The following GAD2 variants were observed in gnomAD, a reference collection of about 807,000 sequenced individuals.
GAD2 encodes the protein glutamate decarboxylase 2, also known as 65 kDa glutamic acid decarboxylase.
A neutral mutation model predicts 80.1 loss-of-function variants in GAD2; 22 were observed. That is an observed-to-expected ratio of 0.27 (90% CI 0.20 to 0.39). The LOEUF is 0.39. GAD2 is among the 10% of genes least tolerant of loss of function. The pLI, the probability that GAD2 is intolerant of heterozygous loss-of-function variation, is 1.00. For missense variants in GAD2, 624 were observed against 738.4 expected (o/e 0.85, Z 1.80); for synonymous variants, 274 against 256.9 (o/e 1.07, Z -0.64).
intron 13 of GAD2, among the ~76,000 whole-genome samples, chr10:26,289,145 A>G (rs1834184781): frequency 6.6e-6 from 1 of 152,188 alleles, no homozygotes; most frequent in Non-Finnish European, 1.5e-5. Flanking sequence ...AATCTAGATC[A>G]AAGGTGAGGA....
rs8190730 is a variant in GAD2, at chr10:26,273,667, G to A, written c.1124G>A (p.Arg375Gln). ...TGGGGTGGGGGATTACTGATGTCCCGAAAACACAAGTGGAAACTGAGTGGC... is the reference window on the plus strand; with the variant it reads ...TGGGGTGGGGGATTACTGATGTCCCAAAAACACAAGTGGAAACTGAGTGGC... The part of the protein sequence containing the change: ...AAWGGGLLMS[R>Q]KHKWKLSGVE... The change falls in exon 11 of 16, where the codon CGA becomes CAA. Residue 375 changes from arginine to glutamine, a missense_variant. Coordinates refer to ENST00000376261, the MANE Select transcript of GAD2 (RefSeq NM_001134366.2). 6.2e-5 allele frequency: 100 copies of A among 1,613,538 alleles called. No individual in the cohort carries two copies. In the East Asian group the frequency reaches 9.6e-4, roughly 15 times the overall value.
In GAD2 at chr10:26,217,998, A is replaced by C. The variant is rs749623422; in HGVS notation, c.286+7A>C. 2 of 1,595,412 alleles carry C rather than the reference A, an allele frequency of 1.3e-6. No individual in the cohort carries two copies. The highest frequency in any genetic ancestry group is 2.7e-5 in the African/African-American group (2 of 73,842). On this transcript the variant is annotated splice_region_variant and intron_variant, in intron 3 of 15. Transcript: ENST00000376261. The surrounding 1 kb of genome is among the most constrained non-coding windows in gnomAD (Gnocchi z 4.9). ...GCGTTTCTCCATGCAACAGGTAAAG[A>C]CTCAGCGGGGAGCCCCGGGGCGCCC...
rs1170114023 is a variant in GAD2, at chr10:26,217,217, G to A, written c.76+332G>A. Among the ~76,000 whole-genome samples, 2 of 151,298 alleles carry A rather than the reference G, an allele frequency of 1.3e-5. No homozygotes were observed. Among genetic ancestry groups the A allele is most frequent in the Admixed American group, 6.6e-5 (1 of 15,220 alleles). ...TCTGGACCCTGGGGTGGGACGGAGT[G>A]ACCGTGAAGATAGAAAAAAAAAATG... On this transcript the variant is annotated intron_variant, in intron 1 of 15. Coordinates refer to ENST00000376261, the MANE Select transcript of GAD2 (RefSeq NM_001134366.2). The surrounding 1 kb of genome is among the most constrained non-coding windows in gnomAD (Gnocchi z 4.9).
rs139172660 is a variant in GAD2 at position 26,243,599 on chromosome 10, G to A, written c.841-2322G>A. Among the ~76,000 whole-genome samples, 284 of 152,320 alleles carry A rather than the reference G, an allele frequency of 1.9e-3. 1 individual carries two copies. The highest frequency in any genetic ancestry group is 2.6e-3 in the Non-Finnish European group (175 of 68,028). On this transcript the variant is annotated intron_variant, in intron 7 of 15. Coordinates refer to ENST00000376261, the MANE Select transcript of GAD2 (RefSeq NM_001134366.2). ...ACCATTGAGACACACAGTCCTACCC[G>A]GAATCAATAACCAAAGGCACAAAGA...
chr10:26,269,689 C>T (rs567273503), intron 9 of GAD2, among the ~76,000 whole-genome samples: 88 of 152,298 alleles, frequency 5.8e-4, no homozygotes, highest in Non-Finnish European at 9.3e-4. Flanking sequence ...TCATTTACAA[C>T]CTGGGATGGC....
intron 13 of GAD2, among the ~76,000 whole-genome samples, chr10:26,291,614 A>G (rs1020114692): frequency 1.3e-5 from 2 of 152,150 alleles, no homozygotes; most frequent in African/African-American, 2.4e-5. Flanking sequence ...TCTCTGCTGG[A>G]GAAGTTACTG....
chr10:26,291,522 C>T (rs1011841983), intron 13 of GAD2, among the ~76,000 whole-genome samples: 1 of 152,122 alleles, frequency 6.6e-6, no homozygotes, highest in African/African-American at 2.4e-5. Flanking sequence ...TATGTTGGGC[C>T]CCCTTAGCTG....
chr10:26,217,896 C>G lies in GAD2; in HGVS notation c.191C>G (p.Pro64Arg). Reference sequence around the variant, plus strand: ...GCGGAGAGCGGCGGGAGCCAACCCCCGCGGGCCGCCGCCCGGAAGGCCGCC... The same window carrying G: ...GCGGAGAGCGGCGGGAGCCAACCCCGGCGGGCCGCCGCCCGGAAGGCCGCC... ...KPAESGGSQP[P>R]RAAARKAACA... The change falls in exon 3 of 16, where the codon CCG (proline) becomes CGG (arginine). Residue 64 changes from proline to arginine, a missense_variant. Coordinates refer to ENST00000376261, the MANE Select transcript of GAD2 (RefSeq NM_001134366.2). This position sits in a 1 kb window ranked among gnomAD's most constrained non-coding sequence, Gnocchi z 4.9. The G allele has an allele frequency of 4.4e-6, 7 of 1,608,428 alleles. No individual in the cohort carries two copies. Among genetic ancestry groups the G allele is most frequent in the Non-Finnish European group, 5.9e-6 (7 of 1,177,702 alleles).
rs1418711112 is a variant in GAD2, at chr10:26,292,507, T to G, written c.1429T>G (p.Leu477Val). The stretch of plus-strand genomic sequence containing the variant: ...AGCGCATGTTGATAAATGTTTGGAG[T>G]TGGCAGAGTATTTATACAACATCAT... The part of the protein sequence containing the change: ...FEAHVDKCLE[L>V]AEYLYNIIKN... The change falls in exon 14 of 16, where the codon TTG becomes GTG. Residue 477 changes from leucine to valine, a missense_variant. Coordinates refer to ENST00000376261, the MANE Select transcript of GAD2 (RefSeq NM_001134366.2). The G allele has an allele frequency of 6.2e-7, 1 of 1,614,020 alleles. No homozygotes were observed. The highest frequency in any genetic ancestry group is 2.2e-5 in the East Asian group (1 of 44,870).
chr10:26,255,542 A>C (rs1277711923), intron 8 of GAD2, among the ~76,000 whole-genome samples: 2 of 150,720 alleles, frequency 1.3e-5, no homozygotes, highest in African/African-American at 4.9e-5. Context: ...AGAGGGGCTT[A>C]CTGCCCATTT....
chr10:26,263,892 A>G (rs537097343), intron 8 of GAD2, among the ~76,000 whole-genome samples: 3 of 152,324 alleles, frequency 2.0e-5, no homozygotes, highest in African/African-American at 7.2e-5. Context: ...GACATTTTGC[A>G]TATGTCATTA....
intron 10 of GAD2, among the ~76,000 whole-genome samples, chr10:26,272,930 A>G (rs577475317): frequency 1.6e-4 from 24 of 152,366 alleles, no homozygotes; most frequent in African/African-American, 5.8e-4. Context: ...TGATTATATC[A>G]TAAAAGAATT....
At chr10:26,294,098 A>G (rs1564673584) in intron 15 of GAD2, among the ~76,000 whole-genome samples, 1 of 152,144 alleles carries the variant, frequency 6.6e-6, no homozygotes, top group Non-Finnish European at 1.5e-5. Context: ...CCTGTCCCCC[A>G]TTCGAAACTA....
chr10:26,288,730 TGTTTTTATTACG>T (rs957838636), intron 13 of GAD2, among the ~76,000 whole-genome samples: 1 of 152,226 alleles, frequency 6.6e-6, no homozygotes, highest in African/African-American at 2.4e-5. Flanking sequence ...TCCCCTGTGG[TGTTTTTATTACG>T]GTAATGATCA....
intron 6 of GAD2, among the ~76,000 whole-genome samples, chr10:26,229,269 T>C (rs772724039): frequency 3.6e-4 from 54 of 150,298 alleles, no homozygotes; most frequent in Admixed American, 5.3e-4. Context: ...TGCAAGGCAC[T>C]GAATGAGTTG....
chr10:26,293,107 T>C, intron 15 of GAD2, 116 bp downstream of exon 15: 1 of 751,550 alleles, frequency 1.3e-6, no homozygotes, highest in Admixed American at 2.1e-5. Context: ...CATGGGCCCA[T>C]TCCCGTCTGT....
intron 8 of GAD2, among the ~76,000 whole-genome samples, chr10:26,253,652 C>T (rs1350412993): frequency 6.6e-6 from 1 of 152,174 alleles, no homozygotes; most frequent in Non-Finnish European, 1.5e-5. Context: ...CTTTTGGCTG[C>T]AGGCAGTGGT....
intron 4 of GAD2, among the ~76,000 whole-genome samples, chr10:26,221,202 T>C (rs1844447680): frequency 6.6e-6 from 1 of 152,248 alleles, no homozygotes; most frequent in Non-Finnish European, 1.5e-5. Flanking sequence ...TCAAATTAGT[T>C]ACCATCCTTG....
intron 8 of GAD2, among the ~76,000 whole-genome samples, chr10:26,253,456 G>A (rs557316147): frequency 7.2e-5 from 11 of 152,326 alleles, no homozygotes; most frequent in South Asian, 4.1e-4. Flanking sequence ...TTAATATAGA[G>A]AGGAAAATAA....
Sources: allele counts gnomAD v4.1 joint callset (sites outside exome capture counted in the v4.1 genomes callset), GRCh38; gene constraint gnomAD v4.1.1; non-coding constraint Gnocchi (gnomAD v3.1); transcripts MANE v1.5; gene names NCBI Gene and HGNC (gene_info 2026-07-23, HGNC 2026-07-21).